GALNT14: variants seen among roughly 807,000 people sequenced by gnomAD.
GALNT14 encodes the protein polypeptide N-acetylgalactosaminyltransferase 14.
GALNT14 carries 60 observed loss-of-function variants against 77.5 expected under a neutral mutation model. The observed-to-expected ratio is 0.77, with a 90% CI of 0.63 to 0.96. The LOEUF is 0.96. Ranked by LOEUF, GALNT14 falls within the 40% of genes least tolerant of loss-of-function variation. The pLI, the probability that GALNT14 is intolerant of heterozygous loss-of-function variation, is 0.00. For missense variants in GALNT14, 710 were observed against 731.0 expected (o/e 0.97, Z 0.33); for synonymous variants, 280 against 281.7 (o/e 0.99, Z 0.06).
At chr2:30,946,921 A>G (rs1038820653) in intron 6 of GALNT14, among the ~76,000 whole-genome samples, 1 of 152,126 alleles carries the variant, frequency 6.6e-6, no homozygotes, top group Admixed American at 6.5e-5. Context: ...AATTTCACTC[A>G]CCTTTCAAAG....
intron 1 of GALNT14, among the ~76,000 whole-genome samples, chr2:31,057,370 GTGTGTATATATA>G (rs1294521396): frequency 5.0e-5 from 6 of 120,236 alleles, no homozygotes; most frequent in African/African-American, 1.7e-4. Context: ...GTGTGTGTGT[GTGTGTATATATA>G]TATATATATA....
At chr2:30,967,125 A>G (rs1668059191) in intron 2 of GALNT14, among the ~76,000 whole-genome samples, 1 of 152,008 alleles carries the variant, frequency 6.6e-6, no homozygotes, top group Non-Finnish European at 1.5e-5. Flanking sequence ...TAAATAACAG[A>G]CTTTAGGGAG....
intron 1 of GALNT14, chr2:31,129,770 G>C (rs1302370607): frequency 5.7e-6 from 3 of 525,542 alleles, no homozygotes; most frequent in Non-Finnish European, 7.3e-6. Context: ...AGGAATAAGA[G>C]AAGCTACATA....
intron 1 of GALNT14, among the ~76,000 whole-genome samples, chr2:31,086,906 T>C (rs1676457108): frequency 6.6e-6 from 1 of 152,150 alleles, no homozygotes; most frequent in South Asian, 2.1e-4. Context: ...CCTGCTAGGA[T>C]GGATACATTC....
chr2:31,017,585 A>G (rs183463973), intron 1 of GALNT14, among the ~76,000 whole-genome samples: 17 of 152,290 alleles, frequency 1.1e-4, no homozygotes, highest in Admixed American at 7.2e-4. Flanking sequence ...AGAGTCAGAC[A>G]GGAGCAAAAT....
chr2:30,892,851 T>C, the GALNT14 span, among the ~76,000 whole-genome samples: 1 of 152,200 alleles, frequency 6.6e-6, no homozygotes. Context: ...TCCATGAAAC[T>C]GTGGCAGGCT....
intron 1 of GALNT14, chr2:31,079,044 T>A (rs374187980): frequency 1.6e-6 from 2 of 1,272,732 alleles, no homozygotes; most frequent in African/African-American, 3.1e-5. Flanking sequence ...GGCTCAGGTG[T>A]CAGCTGCAAA....
intron 1 of GALNT14, among the ~76,000 whole-genome samples, chr2:31,055,041 G>T (rs1196519882): frequency 6.6e-6 from 1 of 152,156 alleles, no homozygotes; most frequent in East Asian, 1.9e-4. Context: ...AGAGTTCAGT[G>T]CATTAAACCA....
intron 1 of GALNT14, among the ~76,000 whole-genome samples, chr2:31,130,776 G>GCGCGCGCGCC (rs1279395105): frequency 5.6e-5 from 8 of 142,328 alleles, no homozygotes; most frequent in South Asian, 2.3e-4. Context: ...GTGTGTGTGT[G>GCGCGCGCGCC]TGTGTGTGCG....
At chr2:30,942,470 G>C (rs1666436000) in intron 8 of GALNT14, among the ~76,000 whole-genome samples, 166 bp from the exon 9 acceptor site, 1 of 152,190 alleles carries the variant, frequency 6.6e-6, no homozygotes, top group African/African-American at 2.4e-5. Context: ...CTCTCGAGAA[G>C]GGCCAGTATA....
intron 1 of GALNT14, among the ~76,000 whole-genome samples, chr2:31,066,798 C>A (rs1450665191): frequency 6.6e-6 from 1 of 151,894 alleles, no homozygotes; most frequent in Admixed American, 6.5e-5. Flanking sequence ...CGGTGCCACA[C>A]AATGCCAGCC....
At chr2:31,034,557 TG>T (rs201246158) in intron 1 of GALNT14, among the ~76,000 whole-genome samples, 2 of 149,924 alleles carry the variant, frequency 1.3e-5, no homozygotes, top group East Asian at 2.0e-4. Flanking sequence ...CTAGTTGTTT[TG>T]TTTTTTTTTG....
chr2:31,064,913 G>C (rs1314682215), intron 1 of GALNT14, among the ~76,000 whole-genome samples: 1 of 151,548 alleles, frequency 6.6e-6, no homozygotes, highest in Non-Finnish European at 1.5e-5. Context: ...GATGAGAAGG[G>C]AAAGAGTGGT....
intron 1 of GALNT14, among the ~76,000 whole-genome samples, chr2:31,121,036 G>A (rs1678386633): frequency 6.6e-6 from 1 of 152,196 alleles, no homozygotes; most frequent in Non-Finnish European, 1.5e-5. Flanking sequence ...TGTGCTTGGT[G>A]TACACAAGAA....
intron 1 of GALNT14, among the ~76,000 whole-genome samples, chr2:31,099,788 T>C (rs1677174597): frequency 6.6e-6 from 1 of 152,044 alleles, no homozygotes; most frequent in Non-Finnish European, 1.5e-5. Context: ...TTTCAATAAA[T>C]GACACACTAT....
At chr2:31,055,007 G>A (rs1319215435) in intron 1 of GALNT14, among the ~76,000 whole-genome samples, 1 of 152,160 alleles carries the variant, frequency 6.6e-6, no homozygotes, top group Non-Finnish European at 1.5e-5. Flanking sequence ...TGAGGCTTGA[G>A]GTCATACAGA....
chr2:31,002,965 C>A (rs1221984577), intron 1 of GALNT14, among the ~76,000 whole-genome samples: 1 of 152,236 alleles, frequency 6.6e-6, no homozygotes, highest in African/African-American at 2.4e-5. Context: ...TTATCACCTT[C>A]TTCCTCTCAC....
intron 1 of GALNT14, among the ~76,000 whole-genome samples, chr2:31,128,334 C>T (rs916277238): frequency 6.6e-6 from 1 of 152,022 alleles, no homozygotes; most frequent in Non-Finnish European, 1.5e-5. Context: ...CAGGACACCC[C>T]GGCATTAGAG....
intron 1 of GALNT14, among the ~76,000 whole-genome samples, chr2:31,070,250 G>T (rs921442384): frequency 6.6e-6 from 1 of 152,136 alleles, no homozygotes; most frequent in African/African-American, 2.4e-5. Flanking sequence ...TCAGGACCTG[G>T]CACTCACCCA....
Sources: gnomAD v4.1 joint callset for allele counts (sites outside exome capture counted in the v4.1 genomes callset) on GRCh38, gnomAD v4.1.1 for gene constraint, MANE v1.5 for transcripts, NCBI Gene and HGNC (gene_info 2026-07-23, HGNC 2026-07-21) for gene names.